Variants in IRAG1 observed in about 807,000 individuals in gnomAD.
The protein encoded by IRAG1 is IP3R-associated cGMP kinase substrate.
In IRAG1, 62 loss-of-function variants were observed where a neutral mutation model predicts 106.2. That is an observed-to-expected ratio of 0.58 (90% CI 0.48 to 0.72). The LOEUF (loss-of-function observed/expected upper bound fraction) is 0.72. Among genes scored for constraint, IRAG1 ranks in the 30% least tolerant of loss-of-function variants. IRAG1 has a pLI of 0.00. For synonymous variants in IRAG1, 462 were observed against 443.9 expected (o/e 1.04, Z -0.51); for missense variants, 1,064 against 1,140.7 (o/e 0.93, Z 0.97).
chr11:10,652,022 T>G lies in IRAG1; in HGVS notation c.225+3A>C, dbSNP rs1019119068. The stretch of plus-strand genomic sequence containing the variant: ...TAGCTGAGGGCAGGGAGGGGGCACT[T>G]ACTTGGCCGGCAGGGCTCTGGGCTG... On this transcript the variant is annotated splice_donor_region_variant and intron_variant, in intron 2 of 20. Coordinates refer to ENST00000423302, the MANE Select transcript of IRAG1 (RefSeq NM_130385.4). The G allele has an allele frequency of 6.4e-7, 1 of 1,563,778 alleles. No individual in the cohort carries two copies. The highest frequency in any genetic ancestry group is 1.4e-5 in the African/African-American group (1 of 73,882).
At chr11:10,682,624 A>G (rs1190017515) in intron 1 of IRAG1, among the ~76,000 whole-genome samples, 1 of 152,202 alleles carries the variant, frequency 6.6e-6, no homozygotes, top group Non-Finnish European at 1.5e-5. Context: ...AAAAACCCAT[A>G]AACAATGGAC....
intron 15 of IRAG1, among the ~76,000 whole-genome samples, chr11:10,597,196 A>T (rs912544177): frequency 3.3e-5 from 5 of 152,204 alleles, no homozygotes; most frequent in African/African-American, 1.2e-4. Flanking sequence ...CAAATATAGT[A>T]ACTACCACAT....
intron 19 of IRAG1, 142 bp downstream of exon 19, chr11:10,581,725 C>T: frequency 9.9e-7 from 1 of 1,010,056 alleles, no homozygotes; most frequent in African/African-American, 1.6e-5. Context: ...CTTGCTCTTT[C>T]CTATGTAGTT....
rs369397380 is a variant in IRAG1 at position 10,650,575 on chromosome 11, CAG to C, written c.225+1448_225+1449del. The stretch of plus-strand genomic sequence containing the variant: ...CGAGGAAATAGGGATGCTAAGGAGA[CAG>C]AGGCCAAGAAAGTCATGGCCTGAGG... On this transcript the variant is annotated intron_variant, in intron 2 of 20. Coordinates refer to ENST00000423302, the MANE Select transcript of IRAG1 (RefSeq NM_130385.4). Among the ~76,000 whole-genome samples the C allele has an allele frequency of 2.8e-3, 423 of 152,282 alleles. 2 individuals carry two copies. The highest frequency in any genetic ancestry group is 9.0e-3 in the African/African-American group (374 of 41,544).
rs1033676074 is a variant in IRAG1, at chr11:10,576,252, C to A, written c.*80G>T. On this transcript the variant is annotated 3_prime_UTR_variant, in exon 21 of 21. Coordinates refer to ENST00000423302, the MANE Select transcript of IRAG1 (RefSeq NM_130385.4). ...TGGGATGGGCGGCAGTGTGTCCACA[C>A]TTGGGCCTGACGTTATACTTGGGGA... 7.0e-6 allele frequency: 11 copies of A among 1,582,086 alleles called. No individual in the cohort carries two copies. In the East Asian group the frequency reaches 2.5e-4, roughly 36 times the overall value.
intron 1 of IRAG1, among the ~76,000 whole-genome samples, chr11:10,654,076 C>T (rs1202091235): frequency 6.6e-6 from 1 of 152,178 alleles, no homozygotes; most frequent in Admixed American, 6.5e-5. Context: ...CTGGAAGGTA[C>T]TGCTGACTGC....
rs569409655 is a variant in IRAG1 at position 10,601,319 on chromosome 11, G to A, written c.1876-260C>T. ...GAGTTGTTTCTGCTTGCAGAGAACG[G>A]GTCAGGGGAGGCTTCATGGAGAGGG... On this transcript the variant is annotated intron_variant, in intron 14 of 20. Coordinates refer to ENST00000423302, the MANE Select transcript of IRAG1 (RefSeq NM_130385.4). 2.0e-5 allele frequency among the ~76,000 whole-genome samples: 3 copies of A among 152,080 alleles called. No individual in the cohort carries two copies. The South Asian group carries it at 6.2e-4, about 32-fold the overall frequency.
chr11:10,639,399 T>C (rs1303197339), intron 2 of IRAG1, among the ~76,000 whole-genome samples: 1 of 152,218 alleles, frequency 6.6e-6, no homozygotes, highest in African/African-American at 2.4e-5. Context: ...AGTCTATGGT[T>C]GGGAGTTGTG....
intron 8 of IRAG1, among the ~76,000 whole-genome samples, chr11:10,626,849 G>C (rs1367295101): frequency 6.6e-6 from 1 of 152,230 alleles, no homozygotes; most frequent in Non-Finnish European, 1.5e-5. Flanking sequence ...ATAGAAGGCA[G>C]CTTTGGCCCT....
intron 2 of IRAG1, among the ~76,000 whole-genome samples, chr11:10,649,275 G>A (rs753019558): frequency 3.3e-5 from 5 of 152,222 alleles, no homozygotes; most frequent in Non-Finnish European, 5.9e-5. Flanking sequence ...TGTCCAGGGC[G>A]TGGCAGTAAG....
rs141786892 is a variant in IRAG1 at position 10,650,500 on chromosome 11, T to C, written c.225+1525A>G. On this transcript the variant is annotated intron_variant, in intron 2 of 20. Coordinates refer to ENST00000423302, the MANE Select transcript of IRAG1 (RefSeq NM_130385.4). ...ATCTGATTCAAGGGTACTACCATTGTTAGTAAAGTAGAAGGGGCCAGGGAT... is the reference window on the plus strand; with the variant it reads ...ATCTGATTCAAGGGTACTACCATTGCTAGTAAAGTAGAAGGGGCCAGGGAT... Among the ~76,000 whole-genome samples, 7 of 152,240 alleles carry C rather than the reference T, an allele frequency of 4.6e-5. No homozygotes were observed. In the East Asian group the frequency reaches 1.3e-3, roughly 29 times the overall value.
intron 1 of IRAG1, among the ~76,000 whole-genome samples, chr11:10,658,084 A>G (rs1240182637): frequency 1.3e-5 from 2 of 152,204 alleles, no homozygotes; most frequent in African/African-American, 4.8e-5. Flanking sequence ...TCATGCTCTC[A>G]TGGTCACTCT....
intron 20 of IRAG1, 71 bp downstream of exon 20, chr11:10,580,384 G>A (rs76857254): frequency 0.11 from 171,800 of 1,560,644 alleles, 10,461 homozygotes; most frequent in Admixed American, 0.14. Context: ...CAGGGATTTT[G>A]TGCATTTAAA....
chr11:10,590,087 G>A (rs1467010151), intron 18 of IRAG1, among the ~76,000 whole-genome samples: 1 of 152,180 alleles, frequency 6.6e-6, no homozygotes, highest in Non-Finnish European at 1.5e-5. Context: ...CACCCAAAGG[G>A]AAGGTTGGCA....
chr11:10,588,434 C>T (rs1407723788), intron 18 of IRAG1, among the ~76,000 whole-genome samples: 2 of 152,166 alleles, frequency 1.3e-5, no homozygotes, highest in Non-Finnish European at 2.9e-5. Context: ...ACTGAAACTT[C>T]TCCCGGCTGG....
chr11:10,633,071 C>G (rs1402275736), intron 3 of IRAG1, among the ~76,000 whole-genome samples: 1 of 136,582 alleles, frequency 7.3e-6, no homozygotes, highest in African/African-American at 2.7e-5. Context: ...CTTTTTCTTT[C>G]TTTCTTTTTT....
In IRAG1 at chr11:10,593,512, T is replaced by C; in HGVS notation, c.2155A>G (p.Ile719Val). The change falls in exon 17 of 21, where the codon ATT becomes GTT. Residue 719 changes from isoleucine to valine, a missense_variant. Transcript: ENST00000423302. Reference protein sequence around the residue: ...LPGQTPSSSSIPSLPALSESP... With the variant: ...LPGQTPSSSSVPSLPALSESP... ...CTTACCAAGGCTGGTAAGGAGGGAA[T>C]GGATGATGAGCTGGGAGTTTGGCCA... 1 of 1,613,548 alleles carries C rather than the reference T, an allele frequency of 6.2e-7. No homozygotes were observed. Among genetic ancestry groups the C allele is most frequent in the Non-Finnish European group, 8.5e-7 (1 of 1,179,602 alleles).
chr11:10,642,557 T>A (rs1281582887), intron 2 of IRAG1, among the ~76,000 whole-genome samples: 1 of 152,204 alleles, frequency 6.6e-6, no homozygotes, highest in African/African-American at 2.4e-5. Flanking sequence ...GAAGGCAATG[T>A]GGGCTAGTGA....
intron 10 of IRAG1, among the ~76,000 whole-genome samples, chr11:10,612,469 C>T (rs763548231): frequency 2.6e-5 from 4 of 152,152 alleles, no homozygotes; most frequent in African/African-American, 4.8e-5. Context: ...AATATACAAT[C>T]CTCAACTAAA....
Sources: allele counts gnomAD v4.1 joint callset (sites outside exome capture counted in the v4.1 genomes callset), GRCh38; gene constraint gnomAD v4.1.1; transcripts MANE v1.5; gene names NCBI Gene and HGNC (gene_info 2026-07-23, HGNC 2026-07-21).